The following ZNF564 variants were observed in gnomAD, a reference collection of about 807,000 sequenced individuals.
The protein encoded by ZNF564 is zinc finger protein 564.
Under a neutral mutation model 10.5 loss-of-function variants are expected in ZNF564, and 5 were observed. The ratio of observed to expected loss-of-function variants is 0.48; its 90% CI spans 0.25 to 1.00. The LOEUF is 1.00. ZNF564 is among the 50% of genes least tolerant of loss of function. ZNF564 has a pLI of 0.16. For synonymous variants in ZNF564, 242 were observed against 218.1 expected (o/e 1.11, Z -0.97); for missense variants, 603 against 669.7 (o/e 0.90, Z 1.10).
chr19:12,541,066 CA>C (rs35848835), intron 1 of ZNF564, among the ~76,000 whole-genome samples: 893 of 59,716 alleles, frequency 0.015, 3 homozygotes, highest in African/African-American at 0.029. Context: ...CCTGTCTCTA[CA>C]AAAAAAAAAA....
Position 12,528,002 on chromosome 19 carries a change from G to A in ZNF564, c.192-86C>T, listed in dbSNP as rs113892299. 1.4e-4 allele frequency: 203 copies of A among 1,427,086 alleles called. No individual in the cohort carries two copies. The East Asian group carries it at 3.7e-3, about 26-fold the overall frequency. 88.4% of individuals were successfully genotyped at this position (1,427,086 alleles called of 1,614,324 possible). A position where few individuals can be genotyped will look rare whatever the true frequency, so the allele number is the denominator to read the frequency against. ...CGACTTACATTTTTACCATAATCGCGGAAAGGGTAAGTTTTCAGGCCTGTA... is the reference window on the plus strand; with the variant it reads ...CGACTTACATTTTTACCATAATCGCAGAAAGGGTAAGTTTTCAGGCCTGTA... On this transcript the variant is annotated intron_variant, in intron 3 of 3. Coordinates refer to ENST00000339282, the MANE Select transcript of ZNF564 (RefSeq NM_144976.4).
intron 1 of ZNF564, among the ~76,000 whole-genome samples, chr19:12,543,719 T>C (rs1386926480): frequency 7.4e-6 from 1 of 135,118 alleles, no homozygotes; most frequent in Non-Finnish European, 1.6e-5. Context: ...GACTCAAATA[T>C]CTAAAAACAG....
At chr19:12,539,320 T>C (rs1021770055) in intron 1 of ZNF564, among the ~76,000 whole-genome samples, 3 of 150,102 alleles carry the variant, frequency 2.0e-5, no homozygotes, top group African/African-American at 7.4e-5. Flanking sequence ...AAACTATGAA[T>C]TAAAAAAGCA....
intron 1 of ZNF564, among the ~76,000 whole-genome samples, chr19:12,539,389 G>C (rs987203754): frequency 3.3e-5 from 5 of 151,910 alleles, no homozygotes; most frequent in African/African-American, 1.2e-4. Flanking sequence ...GCTGGGCACA[G>C]TGGCTCACGC....
intron 1 of ZNF564, among the ~76,000 whole-genome samples, chr19:12,538,242 A>G (rs1252606142): frequency 6.6e-6 from 1 of 152,022 alleles, no homozygotes; most frequent in Non-Finnish European, 1.5e-5. Flanking sequence ...TAATCCTAAC[A>G]CTTTAGGAGG....
chr19:12,528,374 A>G lies in ZNF564; in HGVS notation c.131-10T>C, dbSNP rs999386615. On this transcript the variant is annotated splice_polypyrimidine_tract_variant and intron_variant, in intron 2 of 3. Transcript: ENST00000339282. ...TCTTCCCATTTTTTTCCTAAAATAT[A>G]GTCAGAAAAAATCCTTATGAACTGA... is the stretch of plus-strand genomic sequence containing the variant. The G allele has an allele frequency of 3.1e-6, 5 of 1,601,014 alleles. No homozygotes were observed. In the African/African-American group the frequency reaches 6.8e-5, roughly 22 times the overall value.
intron 1 of ZNF564, among the ~76,000 whole-genome samples, chr19:12,530,560 A>G (rs2021781008): frequency 6.6e-6 from 1 of 152,182 alleles, no homozygotes; most frequent in Non-Finnish European, 1.5e-5. Context: ...AAGAGTTGCA[A>G]TTTCTGAGGG....
intron 1 of ZNF564, among the ~76,000 whole-genome samples, chr19:12,532,224 T>TA (rs1259333047): frequency 2.7e-5 from 4 of 150,732 alleles, no homozygotes; most frequent in Admixed American, 6.6e-5. Flanking sequence ...TTCATCTCTA[T>TA]AAAAAAAATT....
Position 12,526,787 on chromosome 19 carries a change from T to A in ZNF564, c.1321A>T (p.Ile441Leu), listed in dbSNP as rs1231176945. ...ISLKRIRKHM[I>L]LHTGDGPYKC... ...TAAGGTCCATCTCCAGTGTGCAGTA[T>A]CATATGTTTTCTAATCCTTTTAAGA... Residue 441 changes from isoleucine to leucine, a missense_variant, in exon 4 of 4, where the codon ATA (isoleucine) becomes TTA (leucine). Coordinates refer to ENST00000339282, the MANE Select transcript of ZNF564 (RefSeq NM_144976.4). 6.2e-7 allele frequency: 1 copy of A among 1,614,046 alleles called. No individual in the cohort carries two copies. Among genetic ancestry groups the A allele is most frequent in the African/African-American group, 1.3e-5 (1 of 74,910 alleles).
intron 1 of ZNF564, among the ~76,000 whole-genome samples, chr19:12,542,690 A>G (rs2022080701): frequency 6.6e-6 from 1 of 151,722 alleles, no homozygotes; most frequent in South Asian, 2.1e-4. Context: ...AGGAAAGGAA[A>G]AAAAGGAAAG....
At chr19:12,535,091 G>T (rs2021883879) in intron 1 of ZNF564, among the ~76,000 whole-genome samples, 2 of 152,098 alleles carry the variant, frequency 1.3e-5, no homozygotes, top group East Asian at 1.9e-4. Context: ...GTACGTCACT[G>T]GGCCAGGTGT....
In ZNF564 at chr19:12,551,442, G is replaced by A. The variant is rs2022261108; in HGVS notation, c.-110C>T. 2.8e-6 allele frequency: 4 copies of A among 1,442,512 alleles called. No homozygotes were observed. Among genetic ancestry groups the A allele is most frequent in the Non-Finnish European group, 3.7e-6 (4 of 1,095,824 alleles). The allele number at this position is 1,442,512 out of a possible 1,614,324, so 89.4% of individuals were successfully genotyped here. ...AGCCACCGGGGCCACTGGAGAAGCG[G>A]AGACCGGAACCCAAACGCAGCGGAC... On this transcript the variant is annotated 5_prime_UTR_variant, in exon 1 of 4. Coordinates refer to ENST00000339282, the MANE Select transcript of ZNF564 (RefSeq NM_144976.4).
Position 12,527,592 on chromosome 19 carries a change from C to T in ZNF564, c.516G>A (p.Pro172=), listed in dbSNP as rs375451154. The T allele has an allele frequency of 6.1e-5, 98 of 1,614,146 alleles. 1 individual carries two copies. In the African/African-American group the frequency reaches 9.7e-4, roughly 16 times the overall value. ...THTGEKPYAC[P]ECGKAFISLP... is the part of the protein sequence containing the mutation. The stretch of plus-strand genomic sequence containing the variant: ...GAGAAATGAAGGCTTTCCCACATTC[C>T]GGACATGCATAGGGTTTCTCACCAG... The change falls in exon 4 of 4, where the codon CCG becomes CCA. Residue 172 remains proline, a synonymous_variant. Coordinates refer to ENST00000339282, the MANE Select transcript of ZNF564 (RefSeq NM_144976.4).
At chr19:12,548,980 ATCCGC>A in intron 1 of ZNF564, 1 of 671,308 alleles carries the variant, frequency 1.5e-6, no homozygotes, top group Non-Finnish European at 2.7e-6. Context: ...TGAGATTCTT[ATCCGC>A]AGTAGCATTC....
In ZNF564 at chr19:12,526,473, TTG is replaced by T. The variant is rs1450849422; in HGVS notation, c.1633_1634del (p.Gln545ThrfsTer6). ...ATTCATTTTCACAGGTATTCGAAGG[TTG>T]TGTGATAAATGAAAGCTTTCCCACA... ...KNVGKLSFIT[Q>X]PSNTCENE On this transcript the variant is annotated frameshift_variant, in exon 4 of 4. Coordinates refer to ENST00000339282, the MANE Select transcript of ZNF564 (RefSeq NM_144976.4). LOFTEE classifies it low-confidence loss of function (END_TRUNC). 1.7e-5 allele frequency: 27 copies of T among 1,604,120 alleles called. No homozygotes were observed. Among genetic ancestry groups the T allele is most frequent in the Non-Finnish European group, 2.3e-5 (27 of 1,175,884 alleles).
At chr19:12,536,324 A>C (rs552488775) in intron 1 of ZNF564, among the ~76,000 whole-genome samples, 2 of 152,216 alleles carry the variant, frequency 1.3e-5, no homozygotes, top group Non-Finnish European at 2.9e-5. Context: ...CTACAGGTAC[A>C]TGTCACCATG....
chr19:12,530,904 C>G (rs1014030572), intron 1 of ZNF564, among the ~76,000 whole-genome samples: 5 of 152,074 alleles, frequency 3.3e-5, no homozygotes, highest in African/African-American at 1.2e-4. Context: ...GTAGCTAGAA[C>G]TATAGTCGCA....
rs754788070 is a variant in ZNF564 at position 12,527,844 on chromosome 19, G to A, written c.264C>T (p.Leu88=). ...DQCGEAFSQI[L]NLNLNKKIPT... Reference sequence around the variant, plus strand: ...GAATTTTCTTGTTCAGATTAAGATTGAGAATCTGACTGAAGGCTTCTCCAC... The same window carrying A: ...GAATTTTCTTGTTCAGATTAAGATTAAGAATCTGACTGAAGGCTTCTCCAC... Residue 88 remains leucine, a synonymous_variant, in exon 4 of 4, where the codon CTC becomes CTT. Coordinates refer to ENST00000339282, the MANE Select transcript of ZNF564 (RefSeq NM_144976.4). 2 of 1,613,834 alleles carry A rather than the reference G, an allele frequency of 1.2e-6. No homozygotes were observed. Among genetic ancestry groups the A allele is most frequent in the Non-Finnish European group, 1.7e-6 (2 of 1,179,748 alleles).
chr19:12,543,118 C>A (rs2022088489), intron 1 of ZNF564, among the ~76,000 whole-genome samples: 1 of 150,842 alleles, frequency 6.6e-6, no homozygotes, highest in South Asian at 2.1e-4. Flanking sequence ...CTGGCCAAAA[C>A]AGTGAAACCT....
Sources: allele counts gnomAD v4.1 joint callset (sites outside exome capture counted in the v4.1 genomes callset), GRCh38; gene constraint gnomAD v4.1.1; transcripts MANE v1.5; gene names NCBI Gene and HGNC (gene_info 2026-07-23, HGNC 2026-07-21).